The following DISP1 variants were observed in gnomAD, a reference collection of about 807,000 sequenced individuals.
The protein encoded by DISP1 is protein dispatched homolog 1.
In DISP1, 30 loss-of-function variants were observed where a neutral mutation model predicts 37.3. The observed-to-expected ratio is 0.80, with a 90% confidence interval of 0.60 to 1.09. DISP1 has a LOEUF of 1.09. DISP1 is among the 50% of genes least tolerant of loss of function. The pLI, the probability that DISP1 is intolerant of heterozygous loss-of-function variation, is 0.00. For missense variants in DISP1, 1,598 were observed against 1,879.5 expected, an observed-to-expected ratio of 0.85 and a Z score of 2.77; for synonymous variants, 634 against 690.2, an observed-to-expected ratio of 0.92 and a Z score of 1.28.
chr1:222,835,452 A>G (rs1482509537), intron 1 of DISP1, among the ~76,000 whole-genome samples: 1 of 152,204 alleles, frequency 6.6e-6, no homozygotes, highest in African/African-American at 2.4e-5. Context: ...TGACATGAAC[A>G]ATGTAAATAA....
At chr1:222,864,017 T>C (rs937080560) in intron 1 of DISP1, among the ~76,000 whole-genome samples, 1 of 152,344 alleles carries the variant, frequency 6.6e-6, no homozygotes, top group East Asian at 1.9e-4. Flanking sequence ...TGCTCATTGC[T>C]ACTAATAGCA....
At chr1:222,901,529 G>GT (rs1671582922) in intron 1 of DISP1, among the ~76,000 whole-genome samples, 1 of 149,642 alleles carries the variant, frequency 6.7e-6, no homozygotes, top group Non-Finnish European at 1.5e-5. Flanking sequence ...TTTTTTGTTT[G>GT]TTTTTTGTTT....
intron 2 of DISP1, among the ~76,000 whole-genome samples, chr1:222,935,382 T>G (rs898146838): frequency 2.0e-5 from 3 of 152,158 alleles, no homozygotes; most frequent in Admixed American, 1.3e-4. Context: ...ATCATCTGAG[T>G]GTACAGAATA....
At chr1:222,825,499 CTTTTTTTTTT>C (rs954921482) in intron 1 of DISP1, among the ~76,000 whole-genome samples, 1 of 131,820 alleles carries the variant, frequency 7.6e-6, no homozygotes, top group Non-Finnish European at 1.6e-5. Context: ...ACCTGTTTCT[CTTTTTTTTTT>C]TTTTTTTTTG....
rs757529435 is a variant in DISP1 at position 223,003,083 on chromosome 1, C to T, written c.1686C>T (p.Ala562=). The change falls in exon 9 of 9, where the codon GCC becomes GCT. Residue 562 remains alanine, a synonymous_variant. Transcript: ENST00000675850. This position sits in a 1 kb window ranked among gnomAD's most constrained non-coding sequence, Gnocchi z 4.3. ...TTTTTCCTTTTATGAACCTCACTGC[C>T]CTCATTATTTTGGTTGGAATTGGAG... ...FEFFPFMNLT[A]LIILVGIGAD... is the part of the protein sequence containing the mutation. The T allele has an allele frequency of 1.5e-5, 25 of 1,613,956 alleles. No individual in the cohort carries two copies. The highest frequency in any genetic ancestry group is 2.1e-5 in the Non-Finnish European group (25 of 1,180,028).
At position 223,003,621 on chromosome 1, in the gene DISP1, A is replaced by G. The variant is rs1317582325; in HGVS notation, c.2224A>G (p.Met742Val). The change falls in exon 9 of 9, where the codon ATG becomes GTG. Residue 742 changes from methionine (M) to valine (V), a missense_variant. By Grantham distance (21) the Met-to-Val change is conservative. Coordinates refer to ENST00000675850, the MANE Select transcript of DISP1 (RefSeq NM_001377229.1). The surrounding 1 kb of genome is among the most constrained non-coding windows in gnomAD (Gnocchi z 4.3). ...CTACATTGTATGTATAAATCCAAAG[A>G]TGAAACTGCCCTCACTGGAGTTATC... is the stretch of plus-strand genomic sequence containing the variant. ...GAYIVCINPKMKLPSLELSEF... is the reference protein window; with the variant it reads ...GAYIVCINPKVKLPSLELSEF... 4.3e-6 allele frequency: 7 copies of G among 1,614,114 alleles called. No homozygotes were observed. Among genetic ancestry groups the G allele is most frequent in the Non-Finnish European group, 3.4e-6 (4 of 1,180,050 alleles).
intron 8 of DISP1, among the ~76,000 whole-genome samples, chr1:223,000,626 A>G (rs1440709384): frequency 6.6e-6 from 1 of 152,186 alleles, no homozygotes; most frequent in Admixed American, 6.5e-5. Context: ...AGTATAATGG[A>G]CTGTCGAAAT....
intron 1 of DISP1, among the ~76,000 whole-genome samples, chr1:222,873,483 G>A (rs970255531): frequency 7.9e-5 from 12 of 152,116 alleles, no homozygotes; most frequent in Non-Finnish European, 1.5e-4. Flanking sequence ...ATATATTTAG[G>A]ATAGTTAGCT....
intron 1 of DISP1, among the ~76,000 whole-genome samples, chr1:222,871,338 G>A (rs1669560390): frequency 6.6e-6 from 1 of 152,160 alleles, no homozygotes; most frequent in Non-Finnish European, 1.5e-5. Flanking sequence ...AAAGTCATTG[G>A]TAGCTTGATG....
At chr1:222,833,936 G>T (rs1666377859) in intron 1 of DISP1, among the ~76,000 whole-genome samples, 1 of 152,186 alleles carries the variant, frequency 6.6e-6, no homozygotes, top group Non-Finnish European at 1.5e-5. Flanking sequence ...GAGATGCCAA[G>T]AAAGCATTTT....
intron 1 of DISP1, among the ~76,000 whole-genome samples, chr1:222,829,308 T>C (rs1419151912): frequency 1.3e-5 from 2 of 152,208 alleles, no homozygotes; most frequent in Non-Finnish European, 2.9e-5. Context: ...ATTTATAAAA[T>C]TAAGGCTGAA....
intron 1 of DISP1, among the ~76,000 whole-genome samples, chr1:222,880,016 CA>C (rs1670190631): frequency 1.3e-5 from 2 of 151,742 alleles, no homozygotes; most frequent in African/African-American, 4.8e-5. Flanking sequence ...AGTCTTGCAT[CA>C]AAGGTATTAC....
chr1:222,988,998 C>T (rs1678484529), intron 4 of DISP1, among the ~76,000 whole-genome samples: 1 of 152,224 alleles, frequency 6.6e-6, no homozygotes, highest in Non-Finnish European at 1.5e-5. Context: ...TGCCTGTGCA[C>T]ATGCTCCCTT....
intron 3 of DISP1, among the ~76,000 whole-genome samples, chr1:222,944,285 C>T (rs1674602981): frequency 6.6e-6 from 1 of 152,068 alleles, no homozygotes; most frequent in African/African-American, 2.4e-5. Context: ...ATTGCCAGTG[C>T]TTATTTCCAC....
rs1185667588 is a variant in DISP1 at position 223,002,637 on chromosome 1, G to A, written c.1240G>A (p.Val414Met). 1.9e-6 allele frequency: 3 copies of A among 1,614,056 alleles called. No homozygotes were observed. Among genetic ancestry groups the A allele is most frequent in the African/African-American group, 2.7e-5 (2 of 74,926 alleles). ...RRKDQLKCTN[V>M]PRKCTKYNAV... ...AAAGGACCAGCTCAAGTGCACCAAT[G>A]TGCCACGCAAATGTACCAAGTACAA... The change falls in exon 9 of 9, where the codon GTG (valine) becomes ATG (methionine). Residue 414 changes from valine to methionine, a missense_variant. By Grantham distance (21) the Val-to-Met change is conservative. Transcript: ENST00000675850.
chr1:222,973,197 G>A (rs566218398), intron 3 of DISP1, among the ~76,000 whole-genome samples: 13 of 152,216 alleles, frequency 8.5e-5, no homozygotes, highest in Non-Finnish European at 2.9e-5. Flanking sequence ...GAATACATAT[G>A]CAATTACCCT....
At chr1:222,872,862 T>C (rs1669670689) in intron 1 of DISP1, among the ~76,000 whole-genome samples, 2 of 152,234 alleles carry the variant, frequency 1.3e-5, no homozygotes, top group Admixed American at 6.5e-5. Context: ...TTAATAGTGA[T>C]GTTAGGGTGT....
chr1:223,002,389 G>C lies in DISP1; in HGVS notation c.992G>C (p.Arg331Thr), dbSNP rs1679522239. The C allele has an allele frequency of 1.2e-6, 2 of 1,613,788 alleles. No individual in the cohort carries two copies. The highest frequency in any genetic ancestry group is 3.3e-5 in the Admixed American group (2 of 59,990). Reference sequence around the variant, plus strand: ...TGCTTGTCTCTATCTCTGCAGATCAGATCTCATCCCCAGTTTGGTGATCTC... The same window carrying C: ...TGCTTGTCTCTATCTCTGCAGATCACATCTCATCCCCAGTTTGGTGATCTC... ...SMCNVDNSRI[R>T]SHPQFGDLCQ... is the part of the protein sequence containing the mutation. The change falls in exon 9 of 9, where the codon AGA becomes ACA. Residue 331 changes from arginine (R) to threonine (T), a missense_variant. Physicochemically the swap from Arg to Thr is moderately conservative, Grantham distance 71 (BLOSUM62 -1). Transcript: ENST00000675850.
chr1:222,823,742 C>G (rs1663556477), intron 1 of DISP1: 1 of 151,882 alleles, frequency 6.6e-6, no homozygotes, highest in East Asian at 1.9e-4. Flanking sequence ...ACTAAAAAGT[C>G]CTGTTCACCC....
Sources: allele counts gnomAD v4.1 joint callset (sites outside exome capture counted in the v4.1 genomes callset), GRCh38; gene constraint gnomAD v4.1.1; non-coding constraint Gnocchi (gnomAD v3.1); transcripts MANE v1.5; gene names NCBI Gene and HGNC (gene_info 2026-07-23, HGNC 2026-07-21).